Variants in GBE1 observed in about 807,000 individuals in gnomAD.
GBE1 encodes the protein 1,4-alpha-glucan-branching enzyme.
In GBE1, 70 loss-of-function variants were observed where a neutral mutation model predicts 88.8. The observed-to-expected ratio is 0.79, with a 90% CI of 0.65 to 0.96. The LOEUF (loss-of-function observed/expected upper bound fraction) is 0.96. GBE1 is among the 40% of genes least tolerant of loss of function. The pLI is 0.00. For missense variants in GBE1, 872 were observed against 871.0 expected (o/e 1.00, Z -0.01); for synonymous variants, 284 against 300.1 (o/e 0.95, Z 0.56).
chr3:81,621,313 C>G (rs1044986326), intron 7 of GBE1, among the ~76,000 whole-genome samples: 2 of 152,012 alleles, frequency 1.3e-5, no homozygotes, highest in African/African-American at 4.8e-5. Flanking sequence ...TTAATAGATT[C>G]GACCTAGAAA....
intron 3 of GBE1, chr3:81,654,683 C>A (rs1239964802): frequency 6.6e-6 from 1 of 151,988 alleles, no homozygotes; most frequent in Non-Finnish European, 1.5e-5. Context: ...TGAAAAAAAA[C>A]ATATTGATCA....
intron 12 of GBE1, among the ~76,000 whole-genome samples, chr3:81,543,340 T>C (rs1703166462): frequency 1.3e-5 from 2 of 152,136 alleles, no homozygotes; most frequent in Non-Finnish European, 2.9e-5. Flanking sequence ...TGGCTCTGAA[T>C]GTTTTCTCTG....
At chr3:81,734,435 T>A (rs1378647384) in intron 1 of GBE1, among the ~76,000 whole-genome samples, 1 of 152,196 alleles carries the variant, frequency 6.6e-6, no homozygotes, top group East Asian at 1.9e-4. Context: ...ATAGACTCAA[T>A]AGTGTTGAAT....
At chr3:81,642,508 A>T (rs1576182072) in intron 7 of GBE1, 1 of 211,106 alleles carries the variant, frequency 4.7e-6, no homozygotes, top group East Asian at 1.2e-4. Flanking sequence ...TTTAGATATT[A>T]AAAAAAAATG....
At chr3:81,736,786 C>G (rs1559703323) in intron 1 of GBE1, among the ~76,000 whole-genome samples, 1 of 152,160 alleles carries the variant, frequency 6.6e-6, no homozygotes, top group Non-Finnish European at 1.5e-5. Context: ...CCCAACTAAG[C>G]TATTAAACCA....
At chr3:81,613,707 C>T (rs1704211454) in intron 7 of GBE1, among the ~76,000 whole-genome samples, 1 of 152,144 alleles carries the variant, frequency 6.6e-6, no homozygotes, top group Admixed American at 6.6e-5. Flanking sequence ...ATGACACTTT[C>T]AAAATAAATC....
At chr3:81,684,235 T>C (rs1026028624) in intron 2 of GBE1, among the ~76,000 whole-genome samples, 4 of 152,178 alleles carry the variant, frequency 2.6e-5, no homozygotes, top group Non-Finnish European at 5.9e-5. Flanking sequence ...TGTGTGCTCT[T>C]ACCCTCTATG....
chr3:81,527,909 C>T (rs983161846), intron 14 of GBE1, among the ~76,000 whole-genome samples: 1 of 152,004 alleles, frequency 6.6e-6, no homozygotes, highest in Non-Finnish European at 1.5e-5. Context: ...TATAAAGACA[C>T]ATGCACACGT....
chr3:81,599,766 CTATAAAA>C (rs1266937234), intron 7 of GBE1, among the ~76,000 whole-genome samples: 2 of 152,060 alleles, frequency 1.3e-5, no homozygotes, highest in African/African-American at 2.4e-5. Flanking sequence ...TCTACCTTAT[CTATAAAA>C]TAAAGCTAAT....
chr3:81,694,083 T>TGAA, intron 2 of GBE1, among the ~76,000 whole-genome samples: 1 of 152,204 alleles, frequency 6.6e-6, no homozygotes, highest in East Asian at 1.9e-4. Context: ...TTTGTAAGCC[T>TGAA]GAAACTCTCT....
At chr3:81,589,843 C>G (rs530324678) in intron 9 of GBE1, among the ~76,000 whole-genome samples, 1 of 151,798 alleles carries the variant, frequency 6.6e-6, no homozygotes. Context: ...ATACATAAGG[C>G]AAAAGTTTAA....
At chr3:81,575,120 G>A (rs990469976) in intron 12 of GBE1, among the ~76,000 whole-genome samples, 5 of 150,414 alleles carry the variant, frequency 3.3e-5, no homozygotes, top group South Asian at 2.1e-4. Context: ...AGCAGAGATT[G>A]CATCACGGCA....
intron 7 of GBE1, among the ~76,000 whole-genome samples, chr3:81,636,886 A>C (rs1704599959): frequency 1.3e-5 from 2 of 152,160 alleles, no homozygotes; most frequent in African/African-American, 4.8e-5. Context: ...AAATGATGCT[A>C]TATTACTTCA....
chr3:81,670,950 C>A lies in GBE1; in HGVS notation c.317G>T (p.Gly106Val). 1 of 1,506,260 alleles carries A rather than the reference C, an allele frequency of 6.6e-7. No individual in the cohort carries two copies. The highest frequency in any genetic ancestry group is 1.3e-5 in the South Asian group (1 of 78,200). 93.3% of individuals were successfully genotyped at this position (1,506,260 alleles called of 1,614,324 possible). ...EGVFLTGDFN[G>V]WNPFSYPYKK... ...GTATGGGTACGAAAATGGATTCCAA[C>A]CATCTAAAAAAATGAAGAAGATCAG... The change falls in exon 3 of 16, where the codon GGT becomes GTT. Residue 106 changes from glycine (G) to valine (V), a missense_variant. Transcript: ENST00000429644.
intron 2 of GBE1, among the ~76,000 whole-genome samples, chr3:81,683,258 T>G (rs1705377694): frequency 6.6e-6 from 1 of 152,222 alleles, no homozygotes; most frequent in Non-Finnish European, 1.5e-5. Context: ...TCAATAAGGC[T>G]GTTAAAAAAT....
At chr3:81,718,067 C>T (rs1020864317) in intron 1 of GBE1, among the ~76,000 whole-genome samples, 106 of 152,052 alleles carry the variant, frequency 7.0e-4, no homozygotes, top group African/African-American at 2.5e-3. Context: ...GCAACCTCCA[C>T]CTCCTGGCTT....
intron 12 of GBE1, among the ~76,000 whole-genome samples, chr3:81,548,553 C>A (rs151146698): frequency 3.0e-4 from 45 of 151,202 alleles, no homozygotes; most frequent in African/African-American, 1.1e-3. Flanking sequence ...AATCATATGC[C>A]AGAAAGGTAA....
intron 10 of GBE1, among the ~76,000 whole-genome samples, chr3:81,584,808 T>G (rs2106943337): frequency 6.6e-6 from 1 of 151,666 alleles, no homozygotes; most frequent in South Asian, 2.1e-4. Context: ...ATACCTCACT[T>G]TGTGCTATTA....
intron 1 of GBE1, among the ~76,000 whole-genome samples, chr3:81,718,933 C>A (rs1377586245): frequency 6.6e-6 from 1 of 151,992 alleles, no homozygotes; most frequent in Non-Finnish European, 1.5e-5. Context: ...CCGCGCCCTG[C>A]CCACCCCAGT....
Sources: gnomAD v4.1 joint callset for allele counts (sites outside exome capture counted in the v4.1 genomes callset) on GRCh38, gnomAD v4.1.1 for gene constraint, MANE v1.5 for transcripts, NCBI Gene and HGNC (gene_info 2026-07-23, HGNC 2026-07-21) for gene names.